The following DZIP1L variants were observed in gnomAD, a reference collection of about 807,000 sequenced individuals.
The protein encoded by DZIP1L is cilium assembly protein DZIP1L.
In DZIP1L, 90 loss-of-function variants were observed where a neutral mutation model predicts 88.7. The observed-to-expected ratio is 1.02, with a 90% CI of 0.86 to 1.21. DZIP1L has a LOEUF of 1.21. Ranked by LOEUF, DZIP1L falls within the 50% of genes most tolerant of loss-of-function variation. DZIP1L has a pLI of 0.00. For missense variants in DZIP1L, 932 were observed against 955.8 expected, an observed-to-expected ratio of 0.98 and a Z score of 0.33; for synonymous variants, 363 against 372.1, an observed-to-expected ratio of 0.98 and a Z score of 0.28.
At chr3:138,088,588 G>A in intron 5 of DZIP1L, 81 bp from the exon 6 acceptor site, 1 of 1,487,344 alleles carries the variant, frequency 6.7e-7, no homozygotes, top group Non-Finnish European at 9.0e-7. Context: ...AGTGTCAGAG[G>A]GGCACGCCTT....
rs879160523 is a variant in DZIP1L, at chr3:138,068,307, T to C, written c.1676A>G (p.Gln559Arg). ...REAQPKTRTL[Q>R]VALPSTPAEP... Reference sequence around the variant, plus strand: ...TGCCGGTGTGGATGGCAAGGCCACCTGCAGGGTCCTGGTCTTTGGCTGGGC... The same window carrying C: ...TGCCGGTGTGGATGGCAAGGCCACCCGCAGGGTCCTGGTCTTTGGCTGGGC... The change falls in exon 13 of 16, where the codon CAG becomes CGG. Residue 559 changes from glutamine to arginine, a missense_variant. Gln to Arg is a conservative substitution (Grantham distance 43). Coordinates refer to ENST00000327532, the MANE Select transcript of DZIP1L (RefSeq NM_173543.3). The C allele has an allele frequency of 1.9e-6, 3 of 1,595,356 alleles. No individual in the cohort carries two copies. Among genetic ancestry groups the C allele is most frequent in the Admixed American group, 3.5e-5 (2 of 57,590 alleles).
At chr3:138,091,706 GA>G (rs1297611091) in intron 5 of DZIP1L, among the ~76,000 whole-genome samples, 3 of 137,636 alleles carry the variant, frequency 2.2e-5, no homozygotes, top group Non-Finnish European at 3.2e-5. Flanking sequence ...GAGAGGGAGA[GA>G]GAAAGAGAGA....
At position 138,092,508 on chromosome 3, in the gene DZIP1L, T is replaced by C. The variant is rs1310101266; in HGVS notation, c.745A>G (p.Lys249Glu). Residue 249 changes from lysine to glutamate, a missense_variant, in exon 5 of 16, where the codon AAG becomes GAG. Transcript: ENST00000327532. ...ELIHQREIEAKKEFDKWKEQE... is the reference protein window; with the variant it reads ...ELIHQREIEAEKEFDKWKEQE... The stretch of plus-strand genomic sequence containing the variant: ...TCTTTCCATTTATCAAATTCTTTCT[T>C]AGCTTCTATTTCCCTCTGATGAATG... The C allele has an allele frequency of 1.2e-6, 2 of 1,603,494 alleles. No homozygotes were observed. The highest frequency in any genetic ancestry group is 1.3e-5 in the African/African-American group (1 of 74,500).
intron 4 of DZIP1L, among the ~76,000 whole-genome samples, chr3:138,093,497 G>T (rs1944330229): frequency 6.6e-6 from 1 of 152,310 alleles, no homozygotes; most frequent in South Asian, 2.1e-4. Flanking sequence ...ACCCTAAAAA[G>T]AGAATCATCC....
chr3:138,080,675 T>C, intron 9 of DZIP1L, 55 bp from the exon 10 acceptor site: 1 of 1,592,246 alleles, frequency 6.3e-7, no homozygotes, highest in Non-Finnish European at 8.6e-7. Context: ...CATCCCTGAC[T>C]AGAAGAAAAG....
intron 3 of DZIP1L, among the ~76,000 whole-genome samples, chr3:138,096,936 T>C (rs1217076152): frequency 6.6e-6 from 1 of 152,172 alleles, no homozygotes; most frequent in Non-Finnish European, 1.5e-5. Context: ...TCTCAGCACT[T>C]TGGGAGACCA....
intron 14 of DZIP1L, among the ~76,000 whole-genome samples, chr3:138,066,087 G>T (rs541601803): frequency 6.6e-4 from 100 of 152,338 alleles, no homozygotes; most frequent in Middle Eastern, 3.4e-3. Flanking sequence ...GAAACAGGCT[G>T]CATGGCCCAA....
intron 14 of DZIP1L, 30 bp from the exon 15 acceptor site, chr3:138,064,797 G>T (rs1214472572): frequency 1.3e-6 from 2 of 1,541,776 alleles, no homozygotes; most frequent in South Asian, 1.3e-5. Flanking sequence ...CTGTGTCAGT[G>T]GGAGAAGCCT....
chr3:138,102,317 C>G, intron 2 of DZIP1L: 1 of 1,343,068 alleles, frequency 7.4e-7, no homozygotes, highest in African/African-American at 1.4e-5. Context: ...AAGCTTCATC[C>G]ACATCTTTCT....
At chr3:138,109,325 A>G (rs1462095068) in intron 1 of DZIP1L, among the ~76,000 whole-genome samples, 1 of 152,170 alleles carries the variant, frequency 6.6e-6, no homozygotes, top group Admixed American at 6.5e-5. Flanking sequence ...TAAGCCACAG[A>G]GAAATAAAGA....
intron 12 of DZIP1L, chr3:138,069,135 C>A: frequency 1.4e-6 from 1 of 702,268 alleles, no homozygotes. Context: ...ACAGCAAGAG[C>A]AACCCCTCCT....
rs116306690 is a variant in DZIP1L, at chr3:138,063,458, C to A, written c.2143-481G>T. Among the ~76,000 whole-genome samples the A allele has an allele frequency of 6.6e-6, 1 of 152,206 alleles. No homozygotes were observed. Among genetic ancestry groups the A allele is most frequent in the East Asian group, 1.9e-4 (1 of 5,188 alleles). ...AGAGGAGCTTGGGAGCAACAGGAGT[C>A]CTTCAGCCTGGAAGGGTCTGCACTG... On this transcript the variant is annotated intron_variant, in intron 15 of 15. Coordinates refer to ENST00000327532, the MANE Select transcript of DZIP1L (RefSeq NM_173543.3). The surrounding 1 kb of genome is among the most constrained non-coding windows in gnomAD (Gnocchi z 4.1).
chr3:138,076,563 T>C (rs1438424909), intron 11 of DZIP1L, among the ~76,000 whole-genome samples: 2 of 152,184 alleles, frequency 1.3e-5, no homozygotes, highest in African/African-American at 4.8e-5. Flanking sequence ...ATACATACCA[T>C]GGAATACTAC....
intron 15 of DZIP1L, 153 bp downstream of exon 15, chr3:138,064,475 T>G (rs780398611): frequency 1.2e-6 from 2 of 1,607,448 alleles, no homozygotes; most frequent in Non-Finnish European, 1.7e-6. Flanking sequence ...TCTCTCCATG[T>G]GCACAGGGGC....
chr3:138,073,986 C>T (rs913494774), intron 11 of DZIP1L, among the ~76,000 whole-genome samples: 3 of 152,032 alleles, frequency 2.0e-5, no homozygotes, highest in South Asian at 2.1e-4. Flanking sequence ...ACAAGGCTTT[C>T]GAATTAACAC....
At chr3:138,099,905 C>T (rs769247346) in intron 2 of DZIP1L, among the ~76,000 whole-genome samples, 13 of 152,192 alleles carry the variant, frequency 8.5e-5, no homozygotes, top group African/African-American at 1.2e-4. Flanking sequence ...TATCCAGCTT[C>T]GGTATTCCTT....
chr3:138,082,589 G>A lies in DZIP1L; in HGVS notation c.1204-825C>T, dbSNP rs144977942. ...CTCCCAGACTCAGCTGCTCCCTGCC[G>A]TGAGCTCTGTGAGATGCTCCATCTA... On this transcript the variant is annotated intron_variant, in intron 8 of 15. Coordinates refer to ENST00000327532, the MANE Select transcript of DZIP1L (RefSeq NM_173543.3). Among the ~76,000 whole-genome samples the A allele has an allele frequency of 9.3e-3, 1,419 of 152,294 alleles. 21 individuals are homozygous for A. Among genetic ancestry groups the A allele is most frequent in the African/African-American group, 0.033 (1,358 of 41,556 alleles).
At chr3:138,068,596 G>C (rs1233148592) in intron 12 of DZIP1L, among the ~76,000 whole-genome samples, 1 of 152,162 alleles carries the variant, frequency 6.6e-6, no homozygotes, top group Non-Finnish European at 1.5e-5. Flanking sequence ...AGAGCAGCTG[G>C]GTGCTCCAGG....
intron 14 of DZIP1L, 114 bp downstream of exon 14, chr3:138,067,417 C>A (rs1942957903): frequency 8.0e-7 from 1 of 1,243,638 alleles, no homozygotes; most frequent in African/African-American, 1.6e-5. Flanking sequence ...AAAGAGATGT[C>A]AAATAAGAAA....
Sources: gnomAD v4.1 joint callset for allele counts (sites outside exome capture counted in the v4.1 genomes callset) on GRCh38, gnomAD v4.1.1 for gene constraint, Gnocchi (gnomAD v3.1) non-coding constraint, MANE v1.5 for transcripts, NCBI Gene and HGNC (gene_info 2026-07-23, HGNC 2026-07-21) for gene names.